The following PAPPA2 variants were observed in gnomAD, a reference collection of about 807,000 sequenced individuals.
The protein encoded by PAPPA2 is pappalysin 2, also known as pappalysin-2.
A neutral mutation model predicts 176.4 loss-of-function variants in PAPPA2; 86 were observed. The observed-to-expected ratio is 0.49, with a 90% CI of 0.41 to 0.58. PAPPA2 has a LOEUF of 0.58. PAPPA2 is among the 20% of genes least tolerant of loss of function. The probability of loss-of-function intolerance (pLI) is 0.00; values close to 1 mark genes in which losing one functional copy is unlikely to be tolerated. For missense variants in PAPPA2, 2,073 were observed against 2,256.9 expected, an observed-to-expected ratio of 0.92 and a Z score of 1.65; for synonymous variants, 809 against 852.2, an observed-to-expected ratio of 0.95 and a Z score of 0.88.
intron 21 of PAPPA2, among the ~76,000 whole-genome samples, chr1:176,832,648 C>A (rs908752664): frequency 6.6e-6 from 1 of 152,102 alleles, no homozygotes; most frequent in African/African-American, 2.4e-5. Flanking sequence ...TCACTGCACC[C>A]GGCCATATTC....
chr1:176,725,892 G>A (rs1661846919), intron 12 of PAPPA2, among the ~76,000 whole-genome samples: 2 of 152,156 alleles, frequency 1.3e-5, no homozygotes, highest in African/African-American at 4.8e-5. Context: ...ACGTTCTCCC[G>A]CCTCACTCTC....
chr1:176,752,643 C>T (rs1459707773), intron 14 of PAPPA2, among the ~76,000 whole-genome samples: 1 of 152,156 alleles, frequency 6.6e-6, no homozygotes, highest in Non-Finnish European at 1.5e-5. Flanking sequence ...CTCTGTTAAC[C>T]TCTGTTCTTC....
rs148326815 is a variant in PAPPA2, at chr1:176,536,237, T to G, written c.-916-19170T>G. ...TCTCTCTCTGGAAAGAATAACAAGT[T>G]GTGAGAAAGATATTTTGCCCTGGAC... On this transcript the variant is annotated intron_variant, in intron 1 of 22. Transcript: ENST00000367662. Among the ~76,000 whole-genome samples the G allele has an allele frequency of 2.2e-3, 342 of 152,346 alleles. 4 individuals carry two copies. The highest frequency in any genetic ancestry group is 4.3e-3 in the Non-Finnish European group (295 of 68,030).
chr1:176,830,849 G>A (rs897038462), intron 21 of PAPPA2, among the ~76,000 whole-genome samples: 5 of 152,204 alleles, frequency 3.3e-5, no homozygotes, highest in Non-Finnish European at 7.3e-5. Context: ...GCCTGGCAAT[G>A]AGTCCACCTG....
At chr1:176,716,602 CTT>C (rs71299410) in intron 12 of PAPPA2, among the ~76,000 whole-genome samples, 8,735 of 114,544 alleles carry the variant, frequency 0.076, 159 homozygotes, top group Middle Eastern at 0.12. Context: ...TTCCTTCCTT[CTT>C]TTTTTTTTTT....
intron 1 of PAPPA2, among the ~76,000 whole-genome samples, chr1:176,476,252 A>G (rs1160963045): frequency 6.6e-6 from 1 of 152,212 alleles, no homozygotes; most frequent in African/African-American, 2.4e-5. Flanking sequence ...AAAAAATATC[A>G]GCAAGCGTCT....
intron 2 of PAPPA2, among the ~76,000 whole-genome samples, chr1:176,570,316 C>T (rs1652247918): frequency 6.6e-6 from 1 of 152,170 alleles, no homozygotes; most frequent in Non-Finnish European, 1.5e-5. Context: ...ATTCTTTTAA[C>T]ATCAAATGTG....
chr1:176,682,656 A>G (rs1659640627), intron 4 of PAPPA2, among the ~76,000 whole-genome samples: 1 of 150,202 alleles, frequency 6.7e-6, no homozygotes, highest in African/African-American at 2.5e-5. Flanking sequence ...TATAAAAAAT[A>G]AAGATTCACT....
chr1:176,467,111 T>C (rs1651661110), intron 1 of PAPPA2, among the ~76,000 whole-genome samples: 1 of 152,210 alleles, frequency 6.6e-6, no homozygotes, highest in Non-Finnish European at 1.5e-5. Flanking sequence ...CTAGGCTTTA[T>C]GGCATAGCCT....
At chr1:176,755,952 T>A (rs1296575980) in intron 14 of PAPPA2, among the ~76,000 whole-genome samples, 3 of 152,178 alleles carry the variant, frequency 2.0e-5, no homozygotes, top group African/African-American at 4.8e-5. Flanking sequence ...AGACAAAATA[T>A]ATTTACAAAT....
chr1:176,612,663 T>C (rs1166753477), intron 3 of PAPPA2, among the ~76,000 whole-genome samples: 1 of 152,182 alleles, frequency 6.6e-6, no homozygotes, highest in Non-Finnish European at 1.5e-5. Context: ...TCCTGGGGAC[T>C]ACACATAGAG....
intron 3 of PAPPA2, among the ~76,000 whole-genome samples, chr1:176,641,586 T>C (rs1199626255): frequency 1.3e-5 from 2 of 152,022 alleles, no homozygotes; most frequent in African/African-American, 4.8e-5. Context: ...TGTTTTTGGT[T>C]ACTGTAGCCT....
At chr1:176,640,239 T>C (rs2102725253) in intron 3 of PAPPA2, among the ~76,000 whole-genome samples, 1 of 151,824 alleles carries the variant, frequency 6.6e-6, no homozygotes, top group African/African-American at 2.4e-5. Flanking sequence ...ATGTGCACAA[T>C]GTGCAGGTTA....
intron 12 of PAPPA2, among the ~76,000 whole-genome samples, chr1:176,735,442 C>T (rs12128792): frequency 0.13 from 19,908 of 152,088 alleles, 1,735 homozygotes; most frequent in Middle Eastern, 0.25. Flanking sequence ...ATCCAGTGAG[C>T]GCCACAAAGG....
chr1:176,659,411 C>A (rs781722858), intron 3 of PAPPA2, among the ~76,000 whole-genome samples: 7 of 152,212 alleles, frequency 4.6e-5, no homozygotes, highest in Non-Finnish European at 7.4e-5. Flanking sequence ...CTATGTGAAT[C>A]TGTCCCTGTG....
chr1:176,736,485 A>G (rs948724474), intron 12 of PAPPA2, among the ~76,000 whole-genome samples: 40 of 89,360 alleles, frequency 4.5e-4, no homozygotes, highest in Middle Eastern at 7.2e-3. Flanking sequence ...ATATGTAAAA[A>G]TATATATTTA....
chr1:176,729,759 A>G (rs1200281888), intron 12 of PAPPA2, among the ~76,000 whole-genome samples: 8 of 152,104 alleles, frequency 5.3e-5, no homozygotes, highest in Non-Finnish European at 1.2e-4. Context: ...CTTGCTACCT[A>G]TACTCCTTGT....
At chr1:176,503,501 T>G (rs1648080935) in intron 1 of PAPPA2, among the ~76,000 whole-genome samples, 4 of 152,188 alleles carry the variant, frequency 2.6e-5, no homozygotes, top group Admixed American at 6.6e-5. Flanking sequence ...GCCATTCTTC[T>G]TTCTCCCACA....
chr1:176,595,631 G>T (rs1439897774), intron 3 of PAPPA2, 36 bp downstream of exon 3: 1 of 1,560,524 alleles, frequency 6.4e-7, no homozygotes. Context: ...CTACTTGTAG[G>T]ATGCATTTCT....
Sources: gnomAD v4.1 joint callset for allele counts (sites outside exome capture counted in the v4.1 genomes callset) on GRCh38, gnomAD v4.1.1 for gene constraint, MANE v1.5 for transcripts, NCBI Gene and HGNC (gene_info 2026-07-23, HGNC 2026-07-21) for gene names.